Variants in BANF2 observed in about 807,000 individuals in gnomAD.
BANF2 encodes the protein BANF family member 2.
BANF2 carries 4 observed loss-of-function variants against 8.0 expected under a neutral mutation model. That is an observed-to-expected ratio of 0.50 (90% CI 0.25 to 1.14). BANF2 has a LOEUF of 1.14. BANF2 is among the 50% of genes most tolerant of loss of function. BANF2 has a pLI of 0.16. For missense variants in BANF2, 96 were observed against 107.5 expected (o/e 0.89, Z 0.47); for synonymous variants, 50 against 40.6 (o/e 1.23, Z -0.88).
intron 2 of BANF2, among the ~76,000 whole-genome samples, chr20:17,723,162 G>A (rs978625189): frequency 3.4e-5 from 5 of 148,426 alleles, no homozygotes; most frequent in Non-Finnish European, 6.0e-5. Flanking sequence ...GGTCCCCCCA[G>A]CCCCACCCCT....
chr20:17,727,542 G>C (rs2037825872), intron 3 of BANF2, among the ~76,000 whole-genome samples: 2 of 152,090 alleles, frequency 1.3e-5, no homozygotes, highest in Non-Finnish European at 2.9e-5. Context: ...TCAGGGTCTG[G>C]AGTCCGGCTG....
intron 1 of BANF2, among the ~76,000 whole-genome samples, chr20:17,720,139 A>AG (rs1315930404): frequency 1.3e-5 from 2 of 152,224 alleles, no homozygotes; most frequent in Non-Finnish European, 2.9e-5. Context: ...TTTAAGAATA[A>AG]GTGCCACTGG....
intron 3 of BANF2, among the ~76,000 whole-genome samples, chr20:17,733,881 G>T (rs1157581025): frequency 2.0e-5 from 3 of 152,152 alleles, no homozygotes; most frequent in Non-Finnish European, 2.9e-5. Flanking sequence ...TAAAAAGTAT[G>T]CTCTCTTTGG....
intron 3 of BANF2, among the ~76,000 whole-genome samples, chr20:17,734,432 G>A (rs1248143686): frequency 6.6e-6 from 1 of 152,170 alleles, no homozygotes; most frequent in Non-Finnish European, 1.5e-5. Flanking sequence ...AATTTAATTT[G>A]CAGAGCACAC....
At chr20:17,731,620 G>A (rs2037894880) in intron 3 of BANF2, 1 of 152,052 alleles carries the variant, frequency 6.6e-6, no homozygotes. Context: ...AGGGGGTGTA[G>A]TGGCACGTGC....
Position 17,693,720 on chromosome 20 carries a change from G to T in BANF2, c.18+14G>T, listed in dbSNP as rs773111742. The T allele has an allele frequency of 9.0e-6, 14 of 1,551,510 alleles. 1 individual carries two copies. In the South Asian group the frequency reaches 1.5e-4, roughly 17 times the overall value. On this transcript the variant is annotated intron_variant, in intron 1 of 2. Coordinates refer to the BANF2 transcript ENST00000545418. ...CGAGGAACAAAGGTAAGGCAGATTG[G>T]TCTGACTTCCTTGCTCACGGTGGGG...
intron 1 of BANF2, among the ~76,000 whole-genome samples, chr20:17,719,252 G>T (rs1349348039): frequency 1.3e-5 from 2 of 152,116 alleles, no homozygotes; most frequent in Non-Finnish European, 2.9e-5. Flanking sequence ...AGCCTTCCGA[G>T]TAGCTGGAAT....
intron 3 of BANF2, among the ~76,000 whole-genome samples, chr20:17,730,088 T>C (rs1328520464): frequency 6.6e-6 from 1 of 152,232 alleles, no homozygotes; most frequent in Non-Finnish European, 1.5e-5. Flanking sequence ...TCCTAAGAGC[T>C]GCCTGAAGGA....
At chr20:17,697,343 A>G (rs1006852075), upstream of BANF2, among the ~76,000 whole-genome samples, 24 of 152,138 alleles carry the variant, frequency 1.6e-4, no homozygotes, top group African/African-American at 5.6e-4. Flanking sequence ...TGCAGAGGAA[A>G]AGGCCTTTGG....
intron 3 of BANF2, among the ~76,000 whole-genome samples, chr20:17,731,890 C>T (rs2037902189): frequency 6.6e-6 from 1 of 150,402 alleles, no homozygotes; most frequent in Admixed American, 6.6e-5. Flanking sequence ...CTTGGTGAAA[C>T]CCTGTCTCTA....
chr20:17,694,509 G>A (rs2037325780), intron 1 of BANF2, among the ~76,000 whole-genome samples: 1 of 150,516 alleles, frequency 6.6e-6, no homozygotes. Flanking sequence ...ACAAAGGTAA[G>A]CCCTGGATTT....
In BANF2 at chr20:17,725,151, G is replaced by A; in HGVS notation, c.126G>A (p.Lys42=). The A allele has an allele frequency of 1.9e-6, 3 of 1,611,350 alleles. No homozygotes were observed. Among genetic ancestry groups the A allele is most frequent in the Non-Finnish European group, 2.5e-6 (3 of 1,177,528 alleles). ...AINLVTKGIN[K]AYILLGQFLL... is the part of the protein sequence containing the mutation. ...ATTTGGTCACCAAAGGTATCAATAA[G>A]GTAATTCATATTTTCTTACTTCTCT... is the stretch of plus-strand genomic sequence containing the variant. Residue 42 remains lysine, a splice_region_variant and synonymous_variant, in exon 3 of 4, where the codon AAG becomes AAA. Coordinates refer to ENST00000246090, the MANE Select transcript of BANF2 (RefSeq NM_178477.5).
At chr20:17,730,007 G>A (rs925712233) in intron 3 of BANF2, among the ~76,000 whole-genome samples, 2 of 152,208 alleles carry the variant, frequency 1.3e-5, no homozygotes, top group Admixed American at 1.3e-4. Flanking sequence ...GTTTAGCATT[G>A]CAGAGAATCT....
chr20:17,727,549 G>C (rs1325836603), intron 3 of BANF2, among the ~76,000 whole-genome samples: 1 of 152,124 alleles, frequency 6.6e-6, no homozygotes, highest in Non-Finnish European at 1.5e-5. Context: ...CTGGAGTCCG[G>C]CTGGGCCTGT....
At chr20:17,735,632 C>A in intron 3 of BANF2, 33 bp from the exon 4 acceptor site, 1 of 1,605,236 alleles carries the variant, frequency 6.2e-7, no homozygotes, top group Non-Finnish European at 8.5e-7. Context: ...GATAACCTTT[C>A]CTGCTTTCCT....
At chr20:17,725,280 G>A in intron 3 of BANF2, 129 bp downstream of exon 3, 1 of 1,203,666 alleles carries the variant, frequency 8.3e-7, no homozygotes, top group South Asian at 1.4e-5. Context: ...GCTTGGCGGG[G>A]TGCCACATGC....
intron 1 of BANF2, among the ~76,000 whole-genome samples, chr20:17,700,557 C>T (rs766099271): frequency 6.6e-6 from 1 of 152,184 alleles, no homozygotes; most frequent in Non-Finnish European, 1.5e-5. Flanking sequence ...GTTTTTAAAT[C>T]CACCTCCTGG....
intron 1 of BANF2, among the ~76,000 whole-genome samples, chr20:17,711,229 G>T (rs2037566109): frequency 6.6e-6 from 1 of 152,070 alleles, no homozygotes; most frequent in South Asian, 2.1e-4. Flanking sequence ...CCAGTGTGGA[G>T]CCACTTGCCT....
chr20:17,698,228 A>T (rs555559536), upstream of BANF2, among the ~76,000 whole-genome samples: 81 of 72,102 alleles, frequency 1.1e-3, no homozygotes, highest in African/African-American at 2.4e-3. Context: ...AAATAATAAT[A>T]AAAAAAAAAG....
Sources: gnomAD v4.1 joint callset for allele counts (sites outside exome capture counted in the v4.1 genomes callset) on GRCh38, gnomAD v4.1.1 for gene constraint, MANE v1.5 for transcripts, NCBI Gene and HGNC (gene_info 2026-07-23, HGNC 2026-07-21) for gene names.